The following ART1 variants were observed in gnomAD, a reference collection of about 807,000 sequenced individuals.
The protein encoded by ART1 is GPI-linked NAD(P)(+)--arginine ADP-ribosyltransferase 1.
ART1 carries 29 observed loss-of-function variants against 27.0 expected under a neutral mutation model. The ratio of observed to expected loss-of-function variants is 1.08; its 90% CI spans 0.80 to 1.47. The LOEUF is 1.47. Ranked by LOEUF, ART1 falls within the 40% of genes most tolerant of loss-of-function variation. The probability of loss-of-function intolerance (pLI) is 0.00; values close to 1 mark genes in which losing one functional copy is unlikely to be tolerated. For synonymous variants in ART1, 201 were observed against 172.2 expected (o/e 1.17, Z -1.31); for missense variants, 480 against 423.0 (o/e 1.13, Z -1.18).
intron 2 of ART1, 107 bp downstream of exon 2, chr11:3,659,383 C>T (rs2077599313): frequency 1.3e-6 from 2 of 1,524,902 alleles, no homozygotes; most frequent in Admixed American, 1.7e-5. Context: ...CGACGCTTCC[C>T]CTGGGGATCA....
chr11:3,652,833 A>G (rs532234888), intron 1 of ART1, among the ~76,000 whole-genome samples: 1 of 151,190 alleles, frequency 6.6e-6, no homozygotes, highest in African/African-American at 2.5e-5. Flanking sequence ...CTTGAAGTAA[A>G]TAAATAATCT....
intron 1 of ART1, among the ~76,000 whole-genome samples, chr11:3,653,122 G>A (rs1221371356): frequency 1.3e-5 from 2 of 148,276 alleles, no homozygotes; most frequent in Non-Finnish European, 2.9e-5. Flanking sequence ...GCAGCCCTGA[G>A]AAACATCGCC....
rs2280133 is a variant in ART1, at chr11:3,659,824, G to A, written c.305G>A (p.Arg102His). 0.017 allele frequency: 26,808 copies of A among 1,611,794 alleles called. 296 individuals are homozygous for A. Among genetic ancestry groups the A allele is most frequent in the East Asian group, 0.04 (1,806 of 44,860 alleles). The change falls in exon 3 of 5, where the codon CGT becomes CAT. Residue 102 changes from arginine to histidine, a missense_variant. By Grantham distance (29) the Arg-to-His change is conservative. Coordinates refer to ENST00000250693, the MANE Select transcript of ART1 (RefSeq NM_004314.3). ...RWPEWSLSPT[R>H]PSPPPLGFRD... ...CCAGAGTGGAGTCTCAGCCCCACCC[G>A]TCCATCCCCGCCACCCCTGGGCTTC...
In ART1 at chr11:3,660,342, T is replaced by C; in HGVS notation, c.823T>C (p.Tyr275His). 1 of 1,603,060 alleles carries C rather than the reference T, an allele frequency of 6.2e-7. No homozygotes were observed. The highest frequency in any genetic ancestry group is 8.5e-7 in the Non-Finnish European group (1 of 1,179,286). ...YLRALGKHST[Y>H]NCEYIKDKKC... ...CCGAGCCCTGGGCAAGCACAGCACCTACAACTGCGAGTACATCAAAGGTAG... is the reference window on the plus strand; with the variant it reads ...CCGAGCCCTGGGCAAGCACAGCACCCACAACTGCGAGTACATCAAAGGTAG... The change falls in exon 3 of 5, where the codon TAC becomes CAC. Residue 275 changes from tyrosine to histidine, a missense_variant. Transcript: ENST00000250693.
At chr11:3,652,625 C>T (rs146157583) in intron 1 of ART1, among the ~76,000 whole-genome samples, 2,896 of 152,112 alleles carry the variant, frequency 0.019, 90 homozygotes, top group African/African-American at 0.065. Context: ...CAGTCTAATT[C>T]CAGACACCAG....
intron 1 of ART1, among the ~76,000 whole-genome samples, chr11:3,653,244 C>A (rs996602619): frequency 6.7e-6 from 1 of 148,530 alleles, no homozygotes; most frequent in Non-Finnish European, 1.5e-5. Context: ...GCCTCTGAGC[C>A]GAAGCTAAGC....
chr11:3,651,024 C>T (rs766403121), intron 1 of ART1, among the ~76,000 whole-genome samples: 2 of 152,160 alleles, frequency 1.3e-5, no homozygotes, highest in African/African-American at 4.8e-5. Flanking sequence ...CCTTACCATT[C>T]CCCCATTTTA....
At chr11:3,651,823 C>A (rs936631717) in intron 1 of ART1, among the ~76,000 whole-genome samples, 1 of 151,508 alleles carries the variant, frequency 6.6e-6, no homozygotes, top group Non-Finnish European at 1.5e-5. Flanking sequence ...ACACCTGACC[C>A]CCATGACTGT....
intron 1 of ART1, among the ~76,000 whole-genome samples, chr11:3,650,623 A>C (rs1265528675): frequency 6.6e-6 from 1 of 151,590 alleles, no homozygotes; most frequent in Non-Finnish European, 1.5e-5. Context: ...AAACTCCCCA[A>C]CTCTAGTGCC....
chr11:3,662,252 A>C (rs548229836), intron 4 of ART1, among the ~76,000 whole-genome samples: 80 of 152,318 alleles, frequency 5.3e-4, no homozygotes, highest in African/African-American at 1.9e-3. Flanking sequence ...GTGTATAATA[A>C]GCAAATTGGA....
intron 2 of ART1, 71 bp downstream of exon 2, chr11:3,659,347 GAGAA>G (rs143528545): frequency 1.3e-6 from 2 of 1,595,764 alleles, no homozygotes; most frequent in African/African-American, 1.3e-5. Flanking sequence ...ACCCTGGAGG[GAGAA>G]AGAGAGAGAG....
At chr11:3,659,127 A>G in intron 1 of ART1, 35 bp from the exon 2 acceptor site, 1 of 1,283,336 alleles carries the variant, frequency 7.8e-7, no homozygotes, top group Non-Finnish European at 1.1e-6. Flanking sequence ...ATTCATGTTT[A>G]TTAAACTATA....
At chr11:3,652,615 C>A (rs1353326959) in intron 1 of ART1, among the ~76,000 whole-genome samples, 1 of 152,124 alleles carries the variant, frequency 6.6e-6, no homozygotes, top group Admixed American at 6.6e-5. Flanking sequence ...TATTAGGCCC[C>A]AGTCTAATTC....
intron 1 of ART1, among the ~76,000 whole-genome samples, chr11:3,649,514 G>A (rs1474708452): frequency 6.6e-6 from 1 of 152,098 alleles, no homozygotes; most frequent in East Asian, 1.9e-4. Flanking sequence ...CCAACCCCAA[G>A]TGTCGCTGAG....
Position 3,664,230 on chromosome 11 carries a change from A to T in ART1, c.*41A>T, listed in dbSNP as rs1270989432. 1 of 1,580,188 alleles carries T rather than the reference A, an allele frequency of 6.3e-7. No homozygotes were observed. The highest frequency in any genetic ancestry group is 8.7e-7 in the Non-Finnish European group (1 of 1,152,342). ...ACAGCCTCGCCTGCTGCCTCTGCCC[A>T]TCCTGAGGATGTTGGCCATGTGTGC... is the stretch of plus-strand genomic sequence containing the variant. On this transcript the variant is annotated 3_prime_UTR_variant, in exon 5 of 5. Transcript: ENST00000250693.
rs116731265 is a variant in ART1, at chr11:3,659,056, C to T, written c.-52-106C>T. ...AAGAAGGGTCCTCTCTCTTCTGAGCCTCCATGTCTGTCTTATGACTCTCAG... is the reference window on the plus strand; with the variant it reads ...AAGAAGGGTCCTCTCTCTTCTGAGCTTCCATGTCTGTCTTATGACTCTCAG... On this transcript the variant is annotated intron_variant, in intron 1 of 4. Coordinates refer to ENST00000250693, the MANE Select transcript of ART1 (RefSeq NM_004314.3). 2.1e-3 allele frequency: 1,432 copies of T among 684,176 alleles called. 8 individuals carry two copies. The highest frequency in any genetic ancestry group is 0.017 in the African/African-American group (937 of 55,910). The allele number at this position is 684,176 out of a possible 1,614,324, so 42.4% of individuals were successfully genotyped here.
At chr11:3,657,051 A>C (rs917580089) in intron 1 of ART1, among the ~76,000 whole-genome samples, 2 of 152,194 alleles carry the variant, frequency 1.3e-5, no homozygotes, top group Non-Finnish European at 2.9e-5. Context: ...ATAGAATCCC[A>C]GTGTCTTAGA....
At chr11:3,655,177 A>T (rs774691805) in intron 1 of ART1, among the ~76,000 whole-genome samples, 1 of 152,182 alleles carries the variant, frequency 6.6e-6, no homozygotes, top group Non-Finnish European at 1.5e-5. Flanking sequence ...TCACGTGTTC[A>T]TTCTGGGGGT....
In ART1 at chr11:3,660,208, A is replaced by G; in HGVS notation, c.689A>G (p.Lys230Arg). ...GIWTCLGAPI[K>R]GYSFFPGEEE... is the part of the protein sequence containing the mutation. ...TGGACCTGCCTTGGGGCCCCTATCAAGGGCTACTCCTTCTTCCCTGGAGAG... is the reference window on the plus strand; with the variant it reads ...TGGACCTGCCTTGGGGCCCCTATCAGGGGCTACTCCTTCTTCCCTGGAGAG... Residue 230 changes from lysine to arginine, a missense_variant, in exon 3 of 5, where the codon AAG becomes AGG. Lys to Arg is a conservative substitution (Grantham distance 26, BLOSUM62 2). Coordinates refer to ENST00000250693, the MANE Select transcript of ART1 (RefSeq NM_004314.3). 6.2e-7 allele frequency: 1 copy of G among 1,614,084 alleles called. No individual in the cohort carries two copies. Among genetic ancestry groups the G allele is most frequent in the East Asian group, 2.2e-5 (1 of 44,874 alleles).
Sources: allele counts gnomAD v4.1 joint callset (sites outside exome capture counted in the v4.1 genomes callset), GRCh38; gene constraint gnomAD v4.1.1; transcripts MANE v1.5; gene names NCBI Gene and HGNC (gene_info 2026-07-23, HGNC 2026-07-21).